CSMD1: variants seen among roughly 807,000 people sequenced by gnomAD.
CSMD1 encodes the protein CUB and sushi domain-containing protein 1.
In CSMD1, 213 loss-of-function variants were observed where a neutral mutation model predicts 417.5. That is an observed-to-expected ratio of 0.51 (90% CI 0.46 to 0.57). The LOEUF (loss-of-function observed/expected upper bound fraction) is 0.57. CSMD1 is among the 20% of genes least tolerant of loss of function. CSMD1 has a pLI of 0.00. For synonymous variants in CSMD1, 2,862 were observed against 1,736.8 expected (o/e 1.65, Z -16.11); for missense variants, 6,923 against 4,529.7 (o/e 1.53, Z -15.17).
chr8:4,020,661 G>C (rs1038058783), intron 4 of CSMD1, among the ~76,000 whole-genome samples: 2 of 152,164 alleles, frequency 1.3e-5, no homozygotes, highest in African/African-American at 4.8e-5. Flanking sequence ...ACTTATTCCA[G>C]GACAGATAAC....
intron 4 of CSMD1, among the ~76,000 whole-genome samples, chr8:4,017,134 T>G (rs1258221211): frequency 6.6e-6 from 1 of 152,226 alleles, no homozygotes; most frequent in African/African-American, 2.4e-5. Context: ...TCCATGCAAT[T>G]GTACATATCT....
chr8:4,274,728 T>C (rs1372160716), intron 3 of CSMD1, among the ~76,000 whole-genome samples: 1 of 152,198 alleles, frequency 6.6e-6, no homozygotes, highest in Non-Finnish European at 1.5e-5. Flanking sequence ...ATAGCATTTC[T>C]TGTGTCTAAA....
At chr8:3,446,754 C>T (rs1459837444) in intron 12 of CSMD1, among the ~76,000 whole-genome samples, 2 of 152,308 alleles carry the variant, frequency 1.3e-5, no homozygotes, top group Middle Eastern at 6.8e-3. Context: ...ATGAGGTTAT[C>T]TAGACTTCGG....
At chr8:3,619,079 G>A (rs1208102673) in intron 7 of CSMD1, among the ~76,000 whole-genome samples, 1 of 151,324 alleles carries the variant, frequency 6.6e-6, no homozygotes. Flanking sequence ...GGTACACTGG[G>A]GTAAGGGATT....
intron 2 of CSMD1, among the ~76,000 whole-genome samples, chr8:4,539,578 G>T (rs759463515): frequency 1.3e-5 from 2 of 152,144 alleles, no homozygotes; most frequent in African/African-American, 4.8e-5. Context: ...ATGTTACACT[G>T]GCTTATAATG....
At chr8:3,577,124 A>G (rs1800182355) in intron 9 of CSMD1, among the ~76,000 whole-genome samples, 1 of 152,222 alleles carries the variant, frequency 6.6e-6, no homozygotes, top group South Asian at 2.1e-4. Context: ...CCAGCCGGAA[A>G]GATCCCTAAA....
chr8:4,105,131 C>G (rs1801502848), intron 3 of CSMD1, among the ~76,000 whole-genome samples: 1 of 152,152 alleles, frequency 6.6e-6, no homozygotes, highest in Admixed American at 6.5e-5. Flanking sequence ...ATGTAATACA[C>G]AATCACTAAT....
chr8:4,838,489 G>A (rs1226105725), intron 1 of CSMD1, among the ~76,000 whole-genome samples: 3 of 152,222 alleles, frequency 2.0e-5, no homozygotes, highest in South Asian at 2.1e-4. Context: ...TCAAACAAAT[G>A]TGATTCTGTC....
At chr8:4,783,483 C>A (rs1005878326) in intron 1 of CSMD1, among the ~76,000 whole-genome samples, 1 of 152,160 alleles carries the variant, frequency 6.6e-6, no homozygotes, top group South Asian at 2.1e-4. Context: ...CAAGATTAAA[C>A]CGGAAGTATT....
At chr8:3,531,439 A>G (rs948498665) in intron 10 of CSMD1, among the ~76,000 whole-genome samples, 1 of 152,196 alleles carries the variant, frequency 6.6e-6, no homozygotes, top group Non-Finnish European at 1.5e-5. Flanking sequence ...TGTGATAAAC[A>G]TCACCCCTCA....
intron 3 of CSMD1, among the ~76,000 whole-genome samples, chr8:4,191,446 CTA>C (rs1491091886): frequency 6.6e-6 from 1 of 151,816 alleles, no homozygotes; most frequent in African/African-American, 2.4e-5. Flanking sequence ...AAAAAACAAA[CTA>C]AAAAAAATTG....
intron 1 of CSMD1, among the ~76,000 whole-genome samples, chr8:4,895,386 C>G (rs1804417136): frequency 6.6e-6 from 1 of 152,092 alleles, no homozygotes; most frequent in Admixed American, 6.5e-5. Context: ...TATGATGCAC[C>G]AAACACATCC....
At chr8:3,358,208 G>A (rs941865567) in intron 21 of CSMD1, among the ~76,000 whole-genome samples, 1 of 152,184 alleles carries the variant, frequency 6.6e-6, no homozygotes, top group African/African-American at 2.4e-5. Context: ...AATTAGTGTG[G>A]TTCGTATTCT....
At chr8:4,485,747 A>G (rs1013309871) in intron 2 of CSMD1, among the ~76,000 whole-genome samples, 3 of 152,104 alleles carry the variant, frequency 2.0e-5, no homozygotes, top group Non-Finnish European at 2.9e-5. Flanking sequence ...AATAAATCCA[A>G]TGGCTTTACT....
intron 2 of CSMD1, among the ~76,000 whole-genome samples, chr8:4,618,805 C>G (rs529306250): frequency 1.6e-4 from 24 of 152,236 alleles, no homozygotes; most frequent in Non-Finnish European, 2.9e-4. Flanking sequence ...CTTCACTGTT[C>G]AGAGAAAACA....
chr8:4,958,627 G>A (rs770400673), intron 1 of CSMD1, among the ~76,000 whole-genome samples: 1 of 152,134 alleles, frequency 6.6e-6, no homozygotes, highest in African/African-American at 2.4e-5. Flanking sequence ...AGCTATTCAA[G>A]TATGGGATCT....
At position 3,301,476 on chromosome 8, in the gene CSMD1, A is replaced by G. The variant is rs139101125; in HGVS notation, c.3950+6219T>C. On this transcript the variant is annotated intron_variant, in intron 25 of 69. Transcript: ENST00000635120. Reference sequence around the variant, plus strand: ...GGAAGGTAACTGATGAAGAGAAATGATGAGATCAGGGAACAACACAGAATA... The same window carrying G: ...GGAAGGTAACTGATGAAGAGAAATGGTGAGATCAGGGAACAACACAGAATA... 1.3e-3 allele frequency among the ~76,000 whole-genome samples: 201 copies of G among 152,308 alleles called. 1 individual carries two copies. The highest frequency in any genetic ancestry group is 4.2e-3 in the African/African-American group (174 of 41,570).
chr8:3,094,088 TTTTA>T (rs745356613), intron 47 of CSMD1, among the ~76,000 whole-genome samples: 341 of 149,558 alleles, frequency 2.3e-3, no homozygotes, highest in Non-Finnish European at 3.9e-3. Flanking sequence ...TTAGGGTTTT[TTTTA>T]TTTTATTTTA....
intron 3 of CSMD1, among the ~76,000 whole-genome samples, chr8:4,150,076 T>C (rs1796488258): frequency 6.6e-6 from 1 of 152,228 alleles, no homozygotes; most frequent in Non-Finnish European, 1.5e-5. Context: ...TTAATGTAAG[T>C]AAAATGAACT....
Sources: allele counts gnomAD v4.1 joint callset (sites outside exome capture counted in the v4.1 genomes callset), GRCh38; gene constraint gnomAD v4.1.1; transcripts MANE v1.5; gene names NCBI Gene and HGNC (gene_info 2026-07-23, HGNC 2026-07-21).